The following ENOX1 variants were observed in gnomAD, a reference collection of about 807,000 sequenced individuals.
ENOX1 encodes ecto-NOX disulfide-thiol exchanger 1.
Under a neutral mutation model 82.5 loss-of-function variants are expected in ENOX1, and 42 were observed. That is an observed-to-expected ratio of 0.51 (90% CI 0.40 to 0.66). The LOEUF (loss-of-function observed/expected upper bound fraction) is 0.66. Among genes scored for constraint, ENOX1 ranks in the 30% least tolerant of loss-of-function variants. The probability of loss-of-function intolerance (pLI) is 0.00; values close to 1 mark genes in which losing one functional copy is unlikely to be tolerated. For missense variants in ENOX1, 608 were observed against 811.6 expected (o/e 0.75, Z 3.05); for synonymous variants, 271 against 282.2 (o/e 0.96, Z 0.40).
chr13:43,234,014 G>A (rs1186888249), intron 15 of ENOX1, among the ~76,000 whole-genome samples: 1 of 152,208 alleles, frequency 6.6e-6, no homozygotes, highest in Non-Finnish European at 1.5e-5. Context: ...CCCAGCACCA[G>A]GAAATCCTTT....
chr13:43,538,824 TC>T (rs1177166084), intron 2 of ENOX1, among the ~76,000 whole-genome samples: 2 of 23,482 alleles, frequency 8.5e-5, no homozygotes, highest in Admixed American at 4.6e-4. Context: ...TTGCCTTTCC[TC>T]CCCGCCCCTG....
chr13:43,496,474 C>T (rs757355467), intron 2 of ENOX1, among the ~76,000 whole-genome samples: 5 of 151,828 alleles, frequency 3.3e-5, no homozygotes, highest in Admixed American at 6.6e-5. Flanking sequence ...TAACCGAGTA[C>T]CCCTGGGTTC....
chr13:43,452,778 C>A (rs921391802), intron 3 of ENOX1, among the ~76,000 whole-genome samples: 1 of 152,228 alleles, frequency 6.6e-6, no homozygotes, highest in Non-Finnish European at 1.5e-5. Flanking sequence ...CTGCCTAATT[C>A]TCCCAAAGTG....
At chr13:43,398,719 G>A (rs1594334922) in intron 5 of ENOX1, among the ~76,000 whole-genome samples, 1 of 151,650 alleles carries the variant, frequency 6.6e-6, no homozygotes, top group East Asian at 1.9e-4. Flanking sequence ...TACCCAACGT[G>A]AAGACGAGGA....
chr13:43,561,067 G>A (rs1186294060), intron 2 of ENOX1, among the ~76,000 whole-genome samples: 1 of 152,116 alleles, frequency 6.6e-6, no homozygotes, highest in Admixed American at 6.6e-5. Context: ...AGAACAGTGC[G>A]TAATCAAAAG....
intron 2 of ENOX1, among the ~76,000 whole-genome samples, chr13:43,590,800 T>C (rs989146072): frequency 7.2e-6 from 1 of 138,004 alleles, no homozygotes. Flanking sequence ...ACATTGAAAA[T>C]GCCTATGTAT....
At chr13:43,735,887 AG>A (rs1330082659) in intron 1 of ENOX1, among the ~76,000 whole-genome samples, 1 of 152,238 alleles carries the variant, frequency 6.6e-6, no homozygotes, top group Non-Finnish European at 1.5e-5. Context: ...CCTTCCATTT[AG>A]GGGTGACCAT....
chr13:43,715,188 A>G (rs1594536047), intron 1 of ENOX1, among the ~76,000 whole-genome samples: 1 of 152,204 alleles, frequency 6.6e-6, no homozygotes, highest in East Asian at 1.9e-4. Flanking sequence ...TTGGCTGGAT[A>G]TGAAATTCTG....
intron 3 of ENOX1, among the ~76,000 whole-genome samples, chr13:43,463,199 T>A (rs546761506): frequency 2.7e-4 from 39 of 144,584 alleles, no homozygotes; most frequent in African/African-American, 9.8e-4. Context: ...ACACACACAC[T>A]CATGTTGCCT....
intron 3 of ENOX1, among the ~76,000 whole-genome samples, chr13:43,415,911 G>T (rs76101120): frequency 9.4e-6 from 1 of 106,110 alleles, no homozygotes. Context: ...CGGGGCGGCC[G>T]GGCAGAGGCG....
At chr13:43,654,100 T>G (rs1195553314) in intron 2 of ENOX1, among the ~76,000 whole-genome samples, 1 of 152,202 alleles carries the variant, frequency 6.6e-6, no homozygotes, top group Non-Finnish European at 1.5e-5. Flanking sequence ...TAAAAGTATT[T>G]GATAGATGGG....
chr13:43,362,766 G>T lies in ENOX1; in HGVS notation c.209-1314C>A, dbSNP rs551112388. Among the ~76,000 whole-genome samples the T allele has an allele frequency of 2.6e-5, 4 of 152,132 alleles. No homozygotes were observed. The South Asian group carries it at 8.3e-4, about 32-fold the overall frequency. Reference sequence around the variant, plus strand: ...TTCTGGGAAAAGGTTTACAGATTCCGCCAGCTACTTTGGACATTTCCACTC... The same window carrying T: ...TTCTGGGAAAAGGTTTACAGATTCCTCCAGCTACTTTGGACATTTCCACTC... On this transcript the variant is annotated intron_variant, in intron 5 of 16. Transcript: ENST00000690772.
At chr13:43,351,670 T>C (rs942718402) in intron 8 of ENOX1, among the ~76,000 whole-genome samples, 2 of 147,024 alleles carry the variant, frequency 1.4e-5, no homozygotes, top group Non-Finnish European at 3.0e-5. Flanking sequence ...AGTGAGAATA[T>C]GCGGTGTTTG....
intron 2 of ENOX1, among the ~76,000 whole-genome samples, chr13:43,535,718 T>A (rs1364606459): frequency 1.3e-5 from 2 of 152,154 alleles, no homozygotes; most frequent in Non-Finnish European, 2.9e-5. Flanking sequence ...TAGAAACTCT[T>A]AATTTAGAAG....
At chr13:43,571,126 T>A (rs1370197026) in intron 2 of ENOX1, among the ~76,000 whole-genome samples, 1 of 152,136 alleles carries the variant, frequency 6.6e-6, no homozygotes, top group African/African-American at 2.4e-5. Context: ...AATCTCCTAT[T>A]CTGTTATGCT....
chr13:43,542,238 C>T (rs1238379743), intron 2 of ENOX1, among the ~76,000 whole-genome samples: 1 of 151,910 alleles, frequency 6.6e-6, no homozygotes, highest in Admixed American at 6.6e-5. Flanking sequence ...CTCTCAGGTT[C>T]AAGCTATTCT....
intron 1 of ENOX1, among the ~76,000 whole-genome samples, chr13:43,673,812 T>A (rs1350268530): frequency 1.3e-5 from 2 of 152,252 alleles, no homozygotes; most frequent in African/African-American, 4.8e-5. Flanking sequence ...CCTAATTTGC[T>A]TTTTATGTTA....
At chr13:43,248,876 T>C (rs945573627) in intron 14 of ENOX1, among the ~76,000 whole-genome samples, 3 of 152,204 alleles carry the variant, frequency 2.0e-5, no homozygotes, top group African/African-American at 7.2e-5. Flanking sequence ...CACATACATG[T>C]ATATATTGTT....
intron 2 of ENOX1, among the ~76,000 whole-genome samples, chr13:43,575,338 G>A (rs1261584293): frequency 6.6e-6 from 1 of 152,224 alleles, no homozygotes; most frequent in Non-Finnish European, 1.5e-5. Context: ...TGAGACTTGA[G>A]TGGAAAGTCG....
Sources: gnomAD v4.1 joint callset for allele counts (sites outside exome capture counted in the v4.1 genomes callset) on GRCh38, gnomAD v4.1.1 for gene constraint, MANE v1.5 for transcripts, NCBI Gene and HGNC (gene_info 2026-07-23, HGNC 2026-07-21) for gene names.